Variants in SVIL observed in about 807,000 individuals in gnomAD.
SVIL encodes supervillin.
A neutral mutation model predicts 240.4 loss-of-function variants in SVIL; 101 were observed. That is an observed-to-expected ratio of 0.42 (90% CI 0.36 to 0.50). The LOEUF is 0.50. Ranked by LOEUF, SVIL falls within the 20% of genes least tolerant of loss-of-function variation. The pLI is 0.01. For missense variants in SVIL, 2,512 were observed against 2,818.7 expected, an observed-to-expected ratio of 0.89 and a Z score of 2.46; for synonymous variants, 999 against 1,100.0, an observed-to-expected ratio of 0.91 and a Z score of 1.82.
intron 3 of SVIL, among the ~76,000 whole-genome samples, chr10:29,561,325 A>C (rs1954451753): frequency 1.3e-5 from 2 of 152,078 alleles, no homozygotes; most frequent in South Asian, 4.2e-4. Context: ...CCATTTGTTG[A>C]ACCTTAAGGA....
At chr10:29,583,170 T>C (rs372279978) in intron 1 of SVIL, among the ~76,000 whole-genome samples, 11 of 152,190 alleles carry the variant, frequency 7.2e-5, no homozygotes, top group Non-Finnish European at 1.5e-5. Context: ...AATTTCTGGC[T>C]CTCCTTGTTC....
Position 29,460,527 on chromosome 10 carries a change from G to A in SVIL, c.6402+1750C>T, listed in dbSNP as rs559329765. ...TTATGATTTCTTTGGAATAAACGTC[G>A]AAATTAACTCTCCTAGTCTTGAAAT... is the stretch of plus-strand genomic sequence containing the variant. On this transcript the variant is annotated intron_variant, in intron 36 of 37. Transcript: ENST00000355867. Among the ~76,000 whole-genome samples the A allele has an allele frequency of 1.3e-4, 20 of 152,206 alleles. No homozygotes were observed. The South Asian group carries it at 2.7e-3, about 21-fold the overall frequency.
intron 17 of SVIL, among the ~76,000 whole-genome samples, chr10:29,500,437 T>C (rs933094722): frequency 7.9e-5 from 12 of 152,240 alleles, no homozygotes; most frequent in South Asian, 6.2e-4. Context: ...CGTCCCTGGC[T>C]GTCACCTGCT....
intron 1 of SVIL, among the ~76,000 whole-genome samples, chr10:29,694,849 G>A (rs1470939680): frequency 1.3e-5 from 2 of 152,122 alleles, no homozygotes; most frequent in African/African-American, 2.4e-5. Context: ...AGATTCATAC[G>A]CTATAAGCCG....
chr10:29,475,309 G>A (rs1946075208), intron 29 of SVIL: 1 of 152,188 alleles, frequency 6.6e-6, no homozygotes, highest in Admixed American at 6.5e-5. Context: ...GGAATTATAG[G>A]CCAAATGGGC....
intron 2 of SVIL, among the ~76,000 whole-genome samples, chr10:29,685,503 C>A (rs879576164): frequency 6.6e-6 from 1 of 152,214 alleles, no homozygotes; most frequent in Non-Finnish European, 1.5e-5. Flanking sequence ...TGTCACACTG[C>A]TTTCCACGAT....
intron 2 of SVIL, among the ~76,000 whole-genome samples, chr10:29,565,038 T>C (rs1007339601): frequency 1.3e-5 from 2 of 152,220 alleles, no homozygotes; most frequent in Non-Finnish European, 2.9e-5. Context: ...CTCTATACTT[T>C]CTTTAGGAAA....
intron 1 of SVIL, among the ~76,000 whole-genome samples, chr10:29,713,154 C>T (rs998960905): frequency 4.0e-5 from 6 of 150,372 alleles, no homozygotes; most frequent in African/African-American, 1.5e-4. Flanking sequence ...CCAGCCTAAG[C>T]GACAGAGTGA....
chr10:29,677,301 C>T (rs1045311914), intron 2 of SVIL, among the ~76,000 whole-genome samples: 2 of 152,154 alleles, frequency 1.3e-5, no homozygotes, highest in African/African-American at 4.8e-5. Context: ...GCTTCCATTC[C>T]TCCTGCCCCT....
At chr10:29,593,854 C>T (rs1486373714) in intron 1 of SVIL, among the ~76,000 whole-genome samples, 1 of 152,142 alleles carries the variant, frequency 6.6e-6, no homozygotes, top group Admixed American at 6.5e-5. Context: ...TTAATTTATA[C>T]CCAGTTCTAA....
intron 3 of SVIL, among the ~76,000 whole-genome samples, chr10:29,642,473 C>T (rs1006537808): frequency 3.5e-5 from 5 of 143,180 alleles, no homozygotes; most frequent in African/African-American, 7.9e-5. Flanking sequence ...GAAAGACCGA[C>T]CCCTAATCAT....
At position 29,622,228 on chromosome 10, in the gene SVIL, C is replaced by T. The variant is rs915505931; in HGVS notation, c.-201+12192G>A. On this transcript the variant is annotated intron_variant, in intron 1 of 37. Transcript: ENST00000355867. Reference sequence around the variant, plus strand: ...TCGCGCCACTGCACTCCAGCCTGGGCGACAGAGTGAGACTCCGTCTCAAAA... The same window carrying T: ...TCGCGCCACTGCACTCCAGCCTGGGTGACAGAGTGAGACTCCGTCTCAAAA... Among the ~76,000 whole-genome samples the T allele has an allele frequency of 8.5e-4, 95 of 111,540 alleles. 1 individual carries two copies. The highest frequency in any genetic ancestry group is 3.7e-4 in the Non-Finnish European group (22 of 59,916). 73.2% of individuals were successfully genotyped at this position (111,540 alleles called of 152,430 possible).
intron 1 of SVIL, among the ~76,000 whole-genome samples, chr10:29,706,381 G>A (rs949614834): frequency 6.6e-6 from 1 of 152,108 alleles, no homozygotes; most frequent in Non-Finnish European, 1.5e-5. Context: ...ATCTCATTGT[G>A]GTTTTAATTT....
chr10:29,525,546 A>T (rs10826651), intron 13 of SVIL, among the ~76,000 whole-genome samples: 68,901 of 151,996 alleles, frequency 0.45, 16,233 homozygotes, highest in African/African-American at 0.55. Flanking sequence ...CCTGTGAGGT[A>T]GAGGCTGCAG....
chr10:29,631,065 A>C (rs1017357845), intron 1 of SVIL, among the ~76,000 whole-genome samples: 2 of 152,100 alleles, frequency 1.3e-5, no homozygotes, highest in African/African-American at 4.8e-5. Context: ...ATGTCAGAGG[A>C]AGCTTCTGGC....
Position 29,641,511 on chromosome 10 carries a change from T to C in SVIL, c.-201+16458A>G, listed in dbSNP as rs1244689120. Among the ~76,000 whole-genome samples the C allele has an allele frequency of 5.9e-5, 9 of 152,086 alleles. No individual in the cohort carries two copies. The East Asian group carries it at 1.5e-3, about 26-fold the overall frequency. On this transcript the variant is annotated intron_variant, in intron 3 of 35. Transcript: ENST00000375400. ...TGAACCCAGGAAGCAGAGGTTTCAA[T>C]GAGCCGAGATCGCGCCACTGCACTC... is the stretch of plus-strand genomic sequence containing the variant.
In SVIL at chr10:29,735,467, G is replaced by A. The variant is rs1049128601; in HGVS notation, c.-400+284C>T. Among the ~76,000 whole-genome samples the A allele has an allele frequency of 7.2e-5, 11 of 151,994 alleles. No homozygotes were observed. In the South Asian group the frequency reaches 1.0e-3, roughly 14 times the overall value. On this transcript the variant is annotated intron_variant, in intron 1 of 35. Coordinates refer to the SVIL transcript ENST00000375400. The surrounding 1 kb of genome is among the most constrained non-coding windows in gnomAD (Gnocchi z 4.1). Reference sequence around the variant, plus strand: ...CCGCTCCTCCCCGAGGCGCGCTCCGGGGACGGAAGTGGGTGGGAGCCGCGG... The same window carrying A: ...CCGCTCCTCCCCGAGGCGCGCTCCGAGGACGGAAGTGGGTGGGAGCCGCGG...
intron 3 of SVIL, among the ~76,000 whole-genome samples, chr10:29,649,217 T>C (rs1958762046): frequency 6.6e-6 from 1 of 152,130 alleles, no homozygotes; most frequent in African/African-American, 2.4e-5. Context: ...TGGGTGATAT[T>C]CTACCTTCTA....
chr10:29,549,785 C>T (rs1199042738), intron 6 of SVIL, among the ~76,000 whole-genome samples: 1 of 140,092 alleles, frequency 7.1e-6, no homozygotes. Flanking sequence ...AAAAACCAAA[C>T]ACCGCATATT....
Sources: gnomAD v4.1 joint callset for allele counts (sites outside exome capture counted in the v4.1 genomes callset) on GRCh38, gnomAD v4.1.1 for gene constraint, Gnocchi (gnomAD v3.1) non-coding constraint, MANE v1.5 for transcripts, NCBI Gene and HGNC (gene_info 2026-07-23, HGNC 2026-07-21) for gene names.